Variants in ADGRB3 observed in about 807,000 individuals in gnomAD.
ADGRB3 encodes the protein adhesion G protein-coupled receptor B3.
In ADGRB3, 37 loss-of-function variants were observed where a neutral mutation model predicts 193.4. The ratio of observed to expected loss-of-function variants is 0.19; its 90% CI spans 0.15 to 0.25. The LOEUF is 0.25. Among genes scored for constraint, ADGRB3 ranks in the 10% least tolerant of loss-of-function variants. ADGRB3 has a pLI of 1.00. For synonymous variants in ADGRB3, 690 were observed against 644.2 expected (o/e 1.07, Z -1.08); for missense variants, 1,637 against 1,852.9 (o/e 0.88, Z 2.14).
chr6:68,857,669 C>G (rs1274635009), intron 3 of ADGRB3, among the ~76,000 whole-genome samples: 1 of 152,126 alleles, frequency 6.6e-6, no homozygotes, highest in East Asian at 1.9e-4. Flanking sequence ...TCAGATGAGA[C>G]TTTGGACTGT....
At chr6:69,069,747 A>AAAAGAAAG in intron 16 of ADGRB3, among the ~76,000 whole-genome samples, 1 of 115,498 alleles carries the variant, frequency 8.7e-6, no homozygotes, top group African/African-American at 2.9e-5. Flanking sequence ...AAAAAAAAAA[A>AAAAGAAAG]AAAGAAAGAA....
chr6:69,043,131 A>C (rs764247551), intron 13 of ADGRB3, among the ~76,000 whole-genome samples: 17 of 152,050 alleles, frequency 1.1e-4, no homozygotes, highest in Non-Finnish European at 2.9e-5. Context: ...TTGAGGCAAG[A>C]TATTTTTTTA....
intron 17 of ADGRB3, among the ~76,000 whole-genome samples, chr6:69,148,287 G>A (rs1383401336): frequency 2.6e-5 from 4 of 151,336 alleles, no homozygotes; most frequent in African/African-American, 9.7e-5. Flanking sequence ...TTTATTTTTT[G>A]TATATACATT....
chr6:68,678,073 A>C (rs995765182), intron 3 of ADGRB3, among the ~76,000 whole-genome samples: 2 of 152,158 alleles, frequency 1.3e-5, no homozygotes, highest in African/African-American at 4.8e-5. Flanking sequence ...AGACAGGCCA[A>C]AGTATCTGTG....
intron 20 of ADGRB3, among the ~76,000 whole-genome samples, chr6:69,280,774 C>A (rs1269573290): frequency 6.6e-6 from 1 of 152,104 alleles, no homozygotes; most frequent in Non-Finnish European, 1.5e-5. Flanking sequence ...ACAAAGCTAT[C>A]CTGTAGCTCT....
chr6:69,104,748 T>G (rs1266610146), intron 17 of ADGRB3, among the ~76,000 whole-genome samples: 4 of 152,182 alleles, frequency 2.6e-5, no homozygotes, highest in African/African-American at 9.6e-5. Flanking sequence ...ATTCAATATT[T>G]ATTATCATAT....
At chr6:69,038,273 TTCTC>T (rs1770933587) in intron 13 of ADGRB3, among the ~76,000 whole-genome samples, 1 of 152,074 alleles carries the variant, frequency 6.6e-6, no homozygotes, top group Non-Finnish European at 1.5e-5. Flanking sequence ...CCTGATTTAT[TTCTC>T]TAATAAGGTT....
At chr6:68,667,040 T>G (rs1464820987) in intron 3 of ADGRB3, among the ~76,000 whole-genome samples, 1 of 151,876 alleles carries the variant, frequency 6.6e-6, no homozygotes, top group African/African-American at 2.4e-5. Flanking sequence ...GATTACTGTA[T>G]AGTCAAACTG....
At chr6:69,114,883 A>C (rs1057183370) in intron 17 of ADGRB3, among the ~76,000 whole-genome samples, 1 of 152,218 alleles carries the variant, frequency 6.6e-6, no homozygotes, top group African/African-American at 2.4e-5. Context: ...TGCAAATCAA[A>C]ACCACAATGA....
intron 3 of ADGRB3, among the ~76,000 whole-genome samples, chr6:68,683,450 A>G (rs1012609902): frequency 6.6e-6 from 1 of 152,206 alleles, no homozygotes; most frequent in African/African-American, 2.4e-5. Flanking sequence ...TTAAATTTTT[A>G]AAAGTTGGCT....
intron 8 of ADGRB3, among the ~76,000 whole-genome samples, chr6:68,973,276 G>T (rs900882369): frequency 6.6e-6 from 1 of 152,126 alleles, no homozygotes; most frequent in Non-Finnish European, 1.5e-5. Flanking sequence ...TTGGGCCTTG[G>T]TGCCTTCATC....
chr6:69,219,461 G>GTATATATATA (rs3839475), intron 17 of ADGRB3, among the ~76,000 whole-genome samples: 1,042 of 98,776 alleles, frequency 0.011, 33 homozygotes, highest in South Asian at 0.027. Context: ...ACACACACAC[G>GTATATATATA]TATATATATA....
At chr6:68,886,166 C>T (rs781729944) in intron 3 of ADGRB3, among the ~76,000 whole-genome samples, 10 of 152,096 alleles carry the variant, frequency 6.6e-5, no homozygotes, top group Non-Finnish European at 1.3e-4. Flanking sequence ...CTGAAAGTAC[C>T]TGTATCTCCA....
chr6:69,272,181 T>A (rs1302873990), intron 20 of ADGRB3, among the ~76,000 whole-genome samples: 1 of 152,200 alleles, frequency 6.6e-6, no homozygotes, highest in African/African-American at 2.4e-5. Flanking sequence ...GTTGTAGAAA[T>A]TTCCATCTGC....
intron 13 of ADGRB3, among the ~76,000 whole-genome samples, chr6:69,044,022 C>T (rs1050469952): frequency 6.6e-5 from 10 of 152,042 alleles, no homozygotes; most frequent in African/African-American, 2.4e-4. Flanking sequence ...GCCTGGGCGA[C>T]AGAGCGAGAC....
At chr6:69,130,328 A>G (rs1773971358) in intron 17 of ADGRB3, among the ~76,000 whole-genome samples, 2 of 151,998 alleles carry the variant, frequency 1.3e-5, no homozygotes. Flanking sequence ...TTTTGGGATT[A>G]TATAAGTATT....
At chr6:68,718,349 T>C (rs1438784278) in intron 3 of ADGRB3, among the ~76,000 whole-genome samples, 1 of 151,694 alleles carries the variant, frequency 6.6e-6, no homozygotes, top group Admixed American at 6.6e-5. Context: ...AGAGATGATA[T>C]AGCTAAGCCA....
intron 10 of ADGRB3, 109 bp downstream of exon 10, chr6:68,975,449 A>G (rs1438268267): frequency 6.4e-6 from 5 of 775,462 alleles, no homozygotes; most frequent in African/African-American, 5.3e-5. Context: ...ATCTCTAAAA[A>G]AGAAATGCCT....
intron 3 of ADGRB3, among the ~76,000 whole-genome samples, chr6:68,848,290 C>T (rs1260608217): frequency 2.6e-5 from 4 of 152,018 alleles, no homozygotes; most frequent in Non-Finnish European, 2.9e-5. Context: ...GGTAATAATA[C>T]ATGAATAAAA....
Sources: allele counts gnomAD v4.1 joint callset (sites outside exome capture counted in the v4.1 genomes callset), GRCh38; gene constraint gnomAD v4.1.1; transcripts MANE v1.5; gene names NCBI Gene and HGNC (gene_info 2026-07-23, HGNC 2026-07-21).